FNDC3B: variants seen among roughly 807,000 people sequenced by gnomAD.
The protein encoded by FNDC3B is fibronectin type III domain-containing protein 3B.
Under a neutral mutation model 151.5 loss-of-function variants are expected in FNDC3B, and 12 were observed. That is an observed-to-expected ratio of 0.08 (90% CI 0.05 to 0.13). The LOEUF (loss-of-function observed/expected upper bound fraction) is 0.13, where lower values mean the gene tolerates loss of function less well. Ranked by LOEUF, FNDC3B falls within the 10% of genes least tolerant of loss-of-function variation. The pLI is 1.00. For missense variants in FNDC3B, 1,214 were observed against 1,505.3 expected, an observed-to-expected ratio of 0.81 and a Z score of 3.20; for synonymous variants, 528 against 549.0, an observed-to-expected ratio of 0.96 and a Z score of 0.54.
chr3:172,196,855 A>G (rs926661864), intron 3 of FNDC3B, among the ~76,000 whole-genome samples: 2 of 152,102 alleles, frequency 1.3e-5, no homozygotes, highest in Non-Finnish European at 2.9e-5. Flanking sequence ...TGGGTTAAAT[A>G]TATGCTTTCG....
At chr3:172,350,737 C>CA (rs1260521962) in intron 21 of FNDC3B, among the ~76,000 whole-genome samples, 1 of 152,080 alleles carries the variant, frequency 6.6e-6, no homozygotes, top group African/African-American at 2.4e-5. Context: ...CCTGTGGTTC[C>CA]AGCTACTCAG....
intron 22 of FNDC3B, among the ~76,000 whole-genome samples, chr3:172,357,786 T>G (rs1407365776): frequency 6.6e-6 from 1 of 152,164 alleles, no homozygotes; most frequent in African/African-American, 2.4e-5. Context: ...ATAATTAATG[T>G]TAGTTCAGTG....
intron 21 of FNDC3B, among the ~76,000 whole-genome samples, chr3:172,351,163 A>G (rs1473558212): frequency 6.6e-6 from 1 of 152,218 alleles, no homozygotes; most frequent in Non-Finnish European, 1.5e-5. Context: ...AAGTACAGCA[A>G]AGAAGGGAAA....
chr3:172,208,461 A>C (rs1725543850), intron 3 of FNDC3B, among the ~76,000 whole-genome samples: 1 of 152,178 alleles, frequency 6.6e-6, no homozygotes, highest in African/African-American at 2.4e-5. Context: ...ACAAATGGAG[A>C]AGACCGAATG....
intron 11 of FNDC3B, among the ~76,000 whole-genome samples, chr3:172,311,901 A>G (rs753002229): frequency 3.3e-5 from 5 of 151,300 alleles, no homozygotes; most frequent in Non-Finnish European, 5.9e-5. Flanking sequence ...AAAAAAAGCA[A>G]CTGTACTTTT....
At chr3:172,296,083 T>C (rs1730589554) in intron 8 of FNDC3B, among the ~76,000 whole-genome samples, 1 of 152,220 alleles carries the variant, frequency 6.6e-6, no homozygotes, top group African/African-American at 2.4e-5. Context: ...AAAAGATTTA[T>C]AACTGTGTTC....
intron 23 of FNDC3B, among the ~76,000 whole-genome samples, chr3:172,363,740 C>T (rs1165727923): frequency 1.3e-5 from 2 of 152,218 alleles, no homozygotes; most frequent in African/African-American, 4.8e-5. Flanking sequence ...GTCCCAGTCT[C>T]CACCCCCTAC....
intron 2 of FNDC3B, among the ~76,000 whole-genome samples, chr3:172,116,726 T>C (rs758122039): frequency 1.1e-4 from 16 of 151,994 alleles, no homozygotes; most frequent in Non-Finnish European, 2.2e-4. Flanking sequence ...CCACCACGCC[T>C]GGCTAATTTT....
chr3:172,124,399 G>T (rs1321195889), intron 2 of FNDC3B, among the ~76,000 whole-genome samples: 1 of 152,190 alleles, frequency 6.6e-6, no homozygotes, highest in Non-Finnish European at 1.5e-5. Flanking sequence ...GCCAATCTTG[G>T]AACTTTAAAG....
At chr3:172,297,393 C>G (rs1730668510) in intron 8 of FNDC3B, among the ~76,000 whole-genome samples, 1 of 152,124 alleles carries the variant, frequency 6.6e-6, no homozygotes. Context: ...TCCAGATTCA[C>G]TTGTTATTAA....
At chr3:172,311,414 A>G (rs1048910491) in intron 11 of FNDC3B, among the ~76,000 whole-genome samples, 2 of 151,926 alleles carry the variant, frequency 1.3e-5, no homozygotes, top group Non-Finnish European at 2.9e-5. Context: ...CTTGCTGTTC[A>G]TGTCACCAGA....
At chr3:172,054,853 C>G (rs1180933887) in intron 1 of FNDC3B, among the ~76,000 whole-genome samples, 1 of 152,148 alleles carries the variant, frequency 6.6e-6, no homozygotes, top group Non-Finnish European at 1.5e-5. Flanking sequence ...GGTAGGTCCT[C>G]ATGATGCAGA....
intron 21 of FNDC3B, among the ~76,000 whole-genome samples, chr3:172,347,769 T>C (rs10513701): frequency 0.09 from 13,692 of 152,194 alleles, 673 homozygotes; most frequent in Middle Eastern, 0.17. Context: ...TTTTACGAGC[T>C]GTTAAATGGA....
In FNDC3B at chr3:172,400,588, C is replaced by T. The variant is rs542724779; in HGVS notation, c.*3113C>T. ...ATACATTGTATTAAAACTGCCATAT[C>T]AATTTTAATGTATAGATTTTGCAAA... On this transcript the variant is annotated 3_prime_UTR_variant, in exon 26 of 26. Coordinates refer to ENST00000415807, the MANE Select transcript of FNDC3B (RefSeq NM_022763.4). 6.6e-6 allele frequency: 1 copy of T among 152,590 alleles called. No homozygotes were observed. The highest frequency in any genetic ancestry group is 2.1e-4 in the South Asian group (1 of 4,820). 9.5% of individuals were successfully genotyped at this position (152,590 alleles called of 1,614,324 possible).
intron 1 of FNDC3B, among the ~76,000 whole-genome samples, chr3:172,058,978 A>C (rs1717050570): frequency 6.6e-6 from 1 of 152,224 alleles, no homozygotes; most frequent in South Asian, 2.1e-4. Flanking sequence ...CCTAATTCCC[A>C]AAACCTTTAG....
At chr3:172,131,573 A>G (rs1721103545) in intron 2 of FNDC3B, among the ~76,000 whole-genome samples, 2 of 152,204 alleles carry the variant, frequency 1.3e-5, no homozygotes, top group South Asian at 4.1e-4. Context: ...AACTGTCATA[A>G]TTCAAGATAA....
intron 25 of FNDC3B, among the ~76,000 whole-genome samples, chr3:172,385,864 C>T (rs148153756): frequency 9.2e-5 from 14 of 152,088 alleles, no homozygotes; most frequent in African/African-American, 2.9e-4. Flanking sequence ...GGCCCTTCCC[C>T]CAAGCTCATT....
At chr3:172,186,876 A>G (rs1024937230) in intron 3 of FNDC3B, 19 of 583,138 alleles carry the variant, frequency 3.3e-5, no homozygotes, top group Non-Finnish European at 5.2e-5. Context: ...AGTGGCCCAC[A>G]GTCAGTTCTG....
intron 3 of FNDC3B, among the ~76,000 whole-genome samples, chr3:172,192,563 T>G (rs1014342857): frequency 2.0e-5 from 3 of 151,960 alleles, no homozygotes; most frequent in African/African-American, 7.3e-5. Flanking sequence ...CTAATCTGAG[T>G]GAATAGAGAA....
Sources: gnomAD v4.1 joint callset for allele counts (sites outside exome capture counted in the v4.1 genomes callset) on GRCh38, gnomAD v4.1.1 for gene constraint, MANE v1.5 for transcripts, NCBI Gene and HGNC (gene_info 2026-07-23, HGNC 2026-07-21) for gene names.